POPDC1: variants seen among roughly 807,000 people sequenced by gnomAD.
POPDC1 encodes the protein popeye domain cAMP effector 1, also known as popeye domain-containing protein 1.
At chr6:105,108,072 G>A in the POPDC1 span, among the ~76,000 whole-genome samples, 186 of 152,270 alleles carry the variant, frequency 1.2e-3, 5 homozygotes, top group East Asian at 0.03. Flanking sequence ...CCAAGAGCAC[G>A]TTCTCAGAGC....
At chr6:105,134,762 C>A in the POPDC1 span, among the ~76,000 whole-genome samples, 2 of 152,014 alleles carry the variant, frequency 1.3e-5, no homozygotes, top group Non-Finnish European at 2.9e-5. Flanking sequence ...ATGAAATGAT[C>A]AAGTCAACTG....
At chr6:105,101,133 C>T in the POPDC1 span, 1 of 1,613,640 alleles carries the variant, frequency 6.2e-7, no homozygotes, top group African/African-American at 1.3e-5. Flanking sequence ...GATGCCGGTT[C>T]AAAAACGTCA....
chr6:105,103,902 T>C, the POPDC1 span, among the ~76,000 whole-genome samples: 1 of 152,222 alleles, frequency 6.6e-6, no homozygotes, highest in African/African-American at 2.4e-5. Flanking sequence ...AAGTGAGAAC[T>C]TCCCAAGAGC....
At chr6:105,133,113 G>T in the POPDC1 span, among the ~76,000 whole-genome samples, 1 of 152,098 alleles carries the variant, frequency 6.6e-6, no homozygotes, top group Admixed American at 6.5e-5. Context: ...TGAATGTTCT[G>T]GTATCTGGAA....
the POPDC1 span, among the ~76,000 whole-genome samples, chr6:105,111,896 T>C: frequency 6.6e-6 from 1 of 152,242 alleles, no homozygotes; most frequent in Non-Finnish European, 1.5e-5. Flanking sequence ...GCATTACTGA[T>C]TGAGATCTTT....
At chr6:105,109,404 G>A in the POPDC1 span, among the ~76,000 whole-genome samples, 3 of 152,130 alleles carry the variant, frequency 2.0e-5, no homozygotes, top group Non-Finnish European at 4.4e-5. Flanking sequence ...GAAGTTAGAA[G>A]TGAGCTATCT....
chr6:105,118,584 A>G, the POPDC1 span, among the ~76,000 whole-genome samples: 1 of 152,184 alleles, frequency 6.6e-6, no homozygotes, highest in Non-Finnish European at 1.5e-5. Context: ...CTTACATTCT[A>G]GTGGAGAAGG....
chr6:105,131,689 T>C, the POPDC1 span, among the ~76,000 whole-genome samples: 1 of 152,238 alleles, frequency 6.6e-6, no homozygotes, highest in African/African-American at 2.4e-5. Flanking sequence ...GTGCTAGGAC[T>C]ACAGGCGTTA....
chr6:105,129,491 T>C, the POPDC1 span: 16 of 1,610,678 alleles, frequency 9.9e-6, no homozygotes, highest in Middle Eastern at 1.7e-4. Context: ...CCAGACGATA[T>C]AAAGGGTACA....
At chr6:105,109,550 C>A in the POPDC1 span, among the ~76,000 whole-genome samples, 1 of 151,614 alleles carries the variant, frequency 6.6e-6, no homozygotes, top group African/African-American at 2.4e-5. Context: ...CCAGCCTGGA[C>A]AATATAGCAA....
At chr6:105,101,244 G>C in the POPDC1 span, 2 of 1,583,476 alleles carry the variant, frequency 1.3e-6, no homozygotes, top group Non-Finnish European at 1.7e-6. Context: ...GAAAACCACT[G>C]AATGCACAAT....
At chr6:105,110,164 C>A in the POPDC1 span, among the ~76,000 whole-genome samples, 2 of 152,122 alleles carry the variant, frequency 1.3e-5, no homozygotes, top group Non-Finnish European at 2.9e-5. Flanking sequence ...AAATGAAACA[C>A]CCACCTCGTA....
chr6:105,125,147 A>C, the POPDC1 span, among the ~76,000 whole-genome samples: 1 of 152,252 alleles, frequency 6.6e-6, no homozygotes, highest in African/African-American at 2.4e-5. Flanking sequence ...AAACGTCAAA[A>C]ATGGTTAAAA....
At chr6:105,130,915 A>C in the POPDC1 span, among the ~76,000 whole-genome samples, 1 of 152,140 alleles carries the variant, frequency 6.6e-6, no homozygotes, top group African/African-American at 2.4e-5. Flanking sequence ...CATTTCCATG[A>C]TTACTGGTGA....
chr6:105,129,513 A>G, the POPDC1 span: 6 of 1,602,754 alleles, frequency 3.7e-6, no homozygotes, highest in Non-Finnish European at 5.1e-6. Flanking sequence ...CCTGTTGAAG[A>G]GCAAAGTTAA....
At chr6:105,134,914 T>G in the POPDC1 span, among the ~76,000 whole-genome samples, 2 of 152,122 alleles carry the variant, frequency 1.3e-5, no homozygotes, top group Non-Finnish European at 2.9e-5. Flanking sequence ...TATAAGCCTA[T>G]CAGGATGGCG....
the POPDC1 span, among the ~76,000 whole-genome samples, chr6:105,102,386 A>T: frequency 6.6e-6 from 1 of 152,238 alleles, no homozygotes; most frequent in Admixed American, 6.5e-5. Context: ...TGCCACAACC[A>T]GCAAGGAGGG....
chr6:105,116,581 G>A, the POPDC1 span: 3 of 742,134 alleles, frequency 4.0e-6, no homozygotes, highest in Non-Finnish European at 6.2e-6. Context: ...AAGATTACAA[G>A]TATCCCCAGT....
the POPDC1 span, chr6:105,116,734 G>A: frequency 6.2e-7 from 1 of 1,607,666 alleles, no homozygotes; most frequent in East Asian, 2.2e-5. Flanking sequence ...TCAATGAGTA[G>A]AGCTTATTTG....
Sources: gnomAD v4.1 joint callset for allele counts (sites outside exome capture counted in the v4.1 genomes callset) on GRCh38, gnomAD v4.1.1 for gene constraint, MANE v1.5 for transcripts, NCBI Gene and HGNC (gene_info 2026-07-23, HGNC 2026-07-21) for gene names.